Variants in ANKRD30A observed in about 807,000 individuals in gnomAD.
The protein encoded by ANKRD30A is ankyrin repeat domain-containing protein 30A.
Under a neutral mutation model 166.3 loss-of-function variants are expected in ANKRD30A, and 170 were observed. The observed-to-expected ratio is 1.02, with a 90% CI of 0.90 to 1.16. ANKRD30A has a LOEUF of 1.16. ANKRD30A is among the 50% of genes most tolerant of loss of function. ANKRD30A has a pLI of 0.00. For missense variants in ANKRD30A, 1,630 were observed against 1,518.0 expected (o/e 1.07, Z -1.23); for synonymous variants, 564 against 508.9 (o/e 1.11, Z -1.46).
chr10:37,209,563 G>C (rs1220315086), intron 31 of ANKRD30A, among the ~76,000 whole-genome samples: 2 of 152,120 alleles, frequency 1.3e-5, no homozygotes, highest in Non-Finnish European at 2.9e-5. Context: ...CTCTCACCAA[G>C]CTTTACTGCC....
At chr10:37,261,473 A>G in the ANKRD30A span, among the ~76,000 whole-genome samples, 1 of 152,330 alleles carries the variant, frequency 6.6e-6, no homozygotes, top group East Asian at 1.9e-4. Flanking sequence ...CAAATTTAGC[A>G]AAGAATTAAA....
rs1191898223 is a variant in ANKRD30A at position 37,211,142 on chromosome 10, A to AT, written c.2870-5031dup. Among the ~76,000 whole-genome samples, 9 of 150,960 alleles carry AT rather than the reference A, an allele frequency of 6.0e-5. No individual in the cohort carries two copies. In the East Asian group the frequency reaches 1.2e-3, roughly 20 times the overall value. ...TAATCCATCTTTTTTTTTATCTAGA[A>AT]TTTTTTTTATTATTATACTTTAAGT... On this transcript the variant is annotated intron_variant, in intron 31 of 35. Coordinates refer to ENST00000361713, the MANE Select transcript of ANKRD30A (RefSeq NM_052997.3).
the ANKRD30A span, among the ~76,000 whole-genome samples, chr10:37,255,970 G>A: frequency 6.6e-6 from 1 of 152,162 alleles, no homozygotes; most frequent in Non-Finnish European, 1.5e-5. Flanking sequence ...ACTATGGTCT[G>A]TGTTTATCTG....
chr10:37,126,994 C>T (rs1836062843), intron 1 of ANKRD30A, among the ~76,000 whole-genome samples: 1 of 129,958 alleles, frequency 7.7e-6, no homozygotes, highest in Non-Finnish European at 1.5e-5. Flanking sequence ...TTGCAGAGAG[C>T]CGAGATCCCA....
chr10:37,218,095 A>G (rs757915512), intron 33 of ANKRD30A, among the ~76,000 whole-genome samples: 1 of 150,950 alleles, frequency 6.6e-6, no homozygotes, highest in Non-Finnish European at 1.5e-5. Flanking sequence ...GAAAACAATG[A>G]TAATCCCTAC....
chr10:37,198,187 C>G (rs781487762), intron 29 of ANKRD30A, among the ~76,000 whole-genome samples: 1 of 152,018 alleles, frequency 6.6e-6, no homozygotes, highest in Non-Finnish European at 1.5e-5. Flanking sequence ...TATTCTTATG[C>G]ATGTTTAAAC....
At chr10:37,177,912 G>A (rs1186681846) in intron 24 of ANKRD30A, among the ~76,000 whole-genome samples, 1 of 148,922 alleles carries the variant, frequency 6.7e-6, no homozygotes, top group Non-Finnish European at 1.5e-5. Flanking sequence ...GTCTCATCAG[G>A]CATTGGCAAC....
Position 37,219,743 on chromosome 10 carries a change from C to CAAGATAACACA in ANKRD30A, c.4031_4032insAAGATAACACA (p.Asp1345ArgfsTer2). The CAAGATAACACA allele has an allele frequency of 6.2e-7, 1 of 1,608,658 alleles. No individual in the cohort carries two copies. Among genetic ancestry groups the CAAGATAACACA allele is most frequent in the South Asian group, 1.1e-5 (1 of 90,824 alleles). ...CAATTAGTTCATGCACATAAGAAAG[C>CAAGATAACACA]TGACAACAAAAGCAAGATAACAATT... is the stretch of plus-strand genomic sequence containing the variant. On this transcript the variant is annotated stop_gained and frameshift_variant, in exon 34 of 36. Coordinates refer to ENST00000361713, the MANE Select transcript of ANKRD30A (RefSeq NM_052997.3). LOFTEE classifies it high-confidence loss of function.
the ANKRD30A span, among the ~76,000 whole-genome samples, chr10:37,259,920 T>A: frequency 2.4e-4 from 36 of 152,276 alleles, 1 homozygote; most frequent in South Asian, 7.5e-3. Flanking sequence ...TTGTGGAAAT[T>A]CATTGAGCTG....
intron 13 of ANKRD30A, among the ~76,000 whole-genome samples, chr10:37,154,339 G>T (rs1374870721): frequency 6.6e-6 from 1 of 152,204 alleles, no homozygotes; most frequent in South Asian, 2.1e-4. Flanking sequence ...CTGAGATTCA[G>T]CCGACTTGGG....
At chr10:37,142,398 C>A in intron 7 of ANKRD30A, 108 bp downstream of exon 7, 1 of 1,021,772 alleles carries the variant, frequency 9.8e-7, no homozygotes, top group Admixed American at 2.8e-5. Flanking sequence ...CTAAATAAGG[C>A]GAGCTTAGGC....
chr10:37,255,956 C>T, the ANKRD30A span, among the ~76,000 whole-genome samples: 1 of 152,300 alleles, frequency 6.6e-6, no homozygotes, highest in Admixed American at 6.5e-5. Flanking sequence ...AATCCAAGCT[C>T]TTTACTATGG....
Position 37,219,394 on chromosome 10 carries a change from G to T in ANKRD30A, c.3682G>T (p.Asp1228Tyr), listed in dbSNP as rs746157849. 1.2e-6 allele frequency: 2 copies of T among 1,610,540 alleles called. No homozygotes were observed. Among genetic ancestry groups the T allele is most frequent in the South Asian group, 1.1e-5 (1 of 90,994 alleles). The change falls in exon 34 of 36, where the codon GAT becomes TAT. Residue 1228 changes from aspartate to tyrosine, a missense_variant. This residue lies in a region of ANKRD30A where 712 missense variants were observed against 629.3 expected (regional missense o/e 1.13). Coordinates refer to ENST00000361713, the MANE Select transcript of ANKRD30A (RefSeq NM_052997.3). ...AGAACCTGCTTTCCACATTGCAGGA[G>T]ATGCTTGTTTGCAAAGAAAAATGAA... ...SQEPAFHIAG[D>Y]ACLQRKMNVD...
intron 15 of ANKRD30A, among the ~76,000 whole-genome samples, chr10:37,160,068 C>T (rs1297011314): frequency 1.3e-5 from 2 of 152,106 alleles, no homozygotes; most frequent in South Asian, 2.1e-4. Flanking sequence ...GTTTGCTTAT[C>T]GAATATTTTA....
intron 15 of ANKRD30A, among the ~76,000 whole-genome samples, chr10:37,162,176 C>T (rs919305885): frequency 1.3e-5 from 2 of 151,990 alleles, no homozygotes; most frequent in African/African-American, 4.8e-5. Context: ...AGTGTTATGA[C>T]CTAAGTGTAT....
At chr10:37,142,657 C>T (rs551932745) in intron 7 of ANKRD30A, among the ~76,000 whole-genome samples, 7 of 136,158 alleles carry the variant, frequency 5.1e-5, no homozygotes, top group African/African-American at 8.4e-5. Context: ...CGAGTGATCT[C>T]GGCTGACTAC....
intron 25 of ANKRD30A, among the ~76,000 whole-genome samples, chr10:37,190,276 G>C (rs1019423058): frequency 6.6e-6 from 1 of 151,876 alleles, no homozygotes; most frequent in African/African-American, 2.4e-5. Flanking sequence ...CTCAGGTGAT[G>C]CTGATGCTGG....
At chr10:37,153,398 G>A (rs17606145) in intron 12 of ANKRD30A, among the ~76,000 whole-genome samples, 174 bp from the exon 13 acceptor site, 26 of 152,076 alleles carry the variant, frequency 1.7e-4, no homozygotes, top group Non-Finnish European at 2.8e-4. Context: ...AGAGAGGGTT[G>A]TGTGAGGTTT....
At chr10:37,250,594 T>TA in the ANKRD30A span, among the ~76,000 whole-genome samples, 1 of 152,086 alleles carries the variant, frequency 6.6e-6, no homozygotes, top group Non-Finnish European at 1.5e-5. Flanking sequence ...AAAGTGATGG[T>TA]ATTAAGAGAT....
Sources: allele counts gnomAD v4.1 joint callset (sites outside exome capture counted in the v4.1 genomes callset), GRCh38; gene constraint gnomAD v4.1.1; regional missense constraint gnomAD v4.1.1; transcripts MANE v1.5; gene names NCBI Gene and HGNC (gene_info 2026-07-23, HGNC 2026-07-21).